The following LIPK variants were observed in gnomAD, a reference collection of about 807,000 sequenced individuals.
LIPK encodes lipase member K.
A neutral mutation model predicts 48.6 loss-of-function variants in LIPK; 32 were observed. The ratio of observed to expected loss-of-function variants is 0.66; its 90% CI spans 0.50 to 0.88. The LOEUF is 0.88. Among genes scored for constraint, LIPK ranks in the 40% least tolerant of loss-of-function variants. The pLI is 0.00. For missense variants in LIPK, 507 were observed against 478.5 expected (o/e 1.06, Z -0.56); for synonymous variants, 164 against 157.4 (o/e 1.04, Z -0.32).
intron 3 of LIPK, among the ~76,000 whole-genome samples, chr10:88,729,351 G>A (rs959244752): frequency 6.6e-6 from 1 of 150,892 alleles, no homozygotes; most frequent in African/African-American, 2.4e-5. Context: ...TTGACATGTC[G>A]AATAACAAAA....
intron 9 of LIPK, among the ~76,000 whole-genome samples, chr10:88,750,270 A>C (rs1435188598): frequency 3.3e-5 from 5 of 152,188 alleles, no homozygotes; most frequent in African/African-American, 1.2e-4. Context: ...CTTAAAACAG[A>C]ACTATGATTT....
intron 1 of LIPK, among the ~76,000 whole-genome samples, chr10:88,724,255 G>T (rs1842289706): frequency 1.3e-5 from 2 of 152,026 alleles, no homozygotes; most frequent in Admixed American, 1.3e-4. Flanking sequence ...TCCCTCTTTT[G>T]TCCAGTTATC....
At chr10:88,722,889 C>CTTTTTTTCTT (rs1554954609) in intron 1 of LIPK, among the ~76,000 whole-genome samples, 2 of 113,206 alleles carry the variant, frequency 1.8e-5, no homozygotes, top group South Asian at 2.8e-4. Flanking sequence ...TTTCTTTTTT[C>CTTTTTTTCTT]TTTTTTTTTT....
intron 1 of LIPK, among the ~76,000 whole-genome samples, chr10:88,709,848 G>C (rs1365665433): frequency 2.0e-5 from 3 of 151,990 alleles, no homozygotes; most frequent in Non-Finnish European, 4.4e-5. Flanking sequence ...CTTTTCCTTT[G>C]CAAAGTTAGA....
At chr10:88,720,578 G>A (rs948666147) in intron 1 of LIPK, among the ~76,000 whole-genome samples, 2 of 152,090 alleles carry the variant, frequency 1.3e-5, no homozygotes, top group Admixed American at 1.3e-4. Flanking sequence ...ATAGAGTCTT[G>A]ACTGCAGGAC....
chr10:88,716,656 C>CATAT, intron 1 of LIPK, among the ~76,000 whole-genome samples: 1 of 151,980 alleles, frequency 6.6e-6, no homozygotes, highest in African/African-American at 2.4e-5. Flanking sequence ...TGAGCCTGGC[C>CATAT]AGAATATAGG....
intron 9 of LIPK, among the ~76,000 whole-genome samples, chr10:88,745,249 C>T (rs452283): frequency 8.2e-4 from 124 of 152,054 alleles, no homozygotes; most frequent in Non-Finnish European, 1.2e-3. Context: ...CTCACTAGAG[C>T]GGTCAACATT....
chr10:88,738,505 C>T (rs1842618712), intron 7 of LIPK, among the ~76,000 whole-genome samples: 1 of 152,180 alleles, frequency 6.6e-6, no homozygotes, highest in Non-Finnish European at 1.5e-5. Flanking sequence ...TTATAAAAGG[C>T]TTTTTATGCA....
At chr10:88,724,743 AT>A (rs1315896075) in intron 2 of LIPK, 95 bp downstream of exon 2, 2 of 767,172 alleles carry the variant, frequency 2.6e-6, no homozygotes. Flanking sequence ...GTTTTCAGCA[AT>A]TCCTCCAGTG....
At chr10:88,750,247 A>G (rs1345233956) in intron 9 of LIPK, among the ~76,000 whole-genome samples, 2 of 152,194 alleles carry the variant, frequency 1.3e-5, no homozygotes, top group Admixed American at 6.5e-5. Flanking sequence ...CAATGTGACA[A>G]TTTCTCAAAG....
chr10:88,732,136 A>G (rs1564983843), intron 4 of LIPK, 42 bp from the exon 5 acceptor site: 1 of 1,357,656 alleles, frequency 7.4e-7, no homozygotes, highest in Non-Finnish European at 1.0e-6. Flanking sequence ...AGGCCTAACA[A>G]TGAGATGACT....
chr10:88,733,771 G>A (rs1347142410), intron 6 of LIPK, among the ~76,000 whole-genome samples: 1 of 152,188 alleles, frequency 6.6e-6, no homozygotes, highest in African/African-American at 2.4e-5. Context: ...CCTGACGTGT[G>A]TAGGACGTGG....
intron 8 of LIPK, among the ~76,000 whole-genome samples, chr10:88,741,540 A>G (rs1842680164): frequency 6.6e-6 from 1 of 152,150 alleles, no homozygotes; most frequent in African/African-American, 2.4e-5. Context: ...TTCCTTATAC[A>G]TTTTACAATT....
chr10:88,719,453 C>T (rs964518275), intron 1 of LIPK, among the ~76,000 whole-genome samples: 1 of 152,218 alleles, frequency 6.6e-6, no homozygotes, highest in African/African-American at 2.4e-5. Flanking sequence ...GCAGTTGAAG[C>T]TCTGACAGCT....
intron 1 of LIPK, among the ~76,000 whole-genome samples, chr10:88,722,726 G>A (rs534621753): frequency 6.6e-6 from 1 of 152,182 alleles, no homozygotes; most frequent in South Asian, 2.1e-4. Context: ...GTCTTCATTT[G>A]CATTTCCTAG....
Position 88,720,068 on chromosome 10 carries a change from G to A in LIPK, c.-11-4465G>A, listed in dbSNP as rs190705894. ...AGTAGCTAGAGGGGTTGGGGGCAGGGAGCGGACAAAAAGCAACTATTGGAG... is the reference window on the plus strand; with the variant it reads ...AGTAGCTAGAGGGGTTGGGGGCAGGAAGCGGACAAAAAGCAACTATTGGAG... On this transcript the variant is annotated intron_variant, in intron 1 of 9. Transcript: ENST00000404190. Among the ~76,000 whole-genome samples, 302 of 152,268 alleles carry A rather than the reference G, an allele frequency of 2.0e-3. 3 individuals are homozygous for A. The highest frequency in any genetic ancestry group is 6.8e-3 in the African/African-American group (284 of 41,572).
intron 9 of LIPK, among the ~76,000 whole-genome samples, chr10:88,743,577 C>CA (rs5786835): frequency 0.22 from 33,428 of 151,790 alleles, 3,848 homozygotes; most frequent in East Asian, 0.37. Context: ...CAGAGTTATT[C>CA]GCTAGTAAAC....
chr10:88,716,441 T>C (rs1333386405), intron 1 of LIPK, among the ~76,000 whole-genome samples: 2 of 124,348 alleles, frequency 1.6e-5, no homozygotes, highest in Non-Finnish European at 1.6e-5. Context: ...CACTGCAACC[T>C]CTGCCTCTCG....
In LIPK at chr10:88,752,548, T is replaced by C; in HGVS notation, c.992T>C (p.Met331Thr). 1 of 1,560,964 alleles carries C rather than the reference T, an allele frequency of 6.4e-7. No homozygotes were observed. The highest frequency in any genetic ancestry group is 8.7e-7 in the Non-Finnish European group (1 of 1,148,638). ...CCTCCTTTATACAACATTACTAAGATGGAAGTTCCAACAGCAATATGGAAT... is the reference window on the plus strand; with the variant it reads ...CCTCCTTTATACAACATTACTAAGACGGAAGTTCCAACAGCAATATGGAAT... ...LTPPLYNITK[M>T]EVPTAIWNGG... Residue 331 changes from methionine (M) to threonine (T), a missense_variant, in exon 10 of 10, where the codon ATG (methionine) becomes ACG (threonine). Physicochemically the swap from Met to Thr is moderately conservative, Grantham distance 81. Coordinates refer to ENST00000404190, the MANE Select transcript of LIPK (RefSeq NM_001080518.2).
Sources: allele counts gnomAD v4.1 joint callset (sites outside exome capture counted in the v4.1 genomes callset), GRCh38; gene constraint gnomAD v4.1.1; transcripts MANE v1.5; gene names NCBI Gene and HGNC (gene_info 2026-07-23, HGNC 2026-07-21).